Variants in STT3B observed in about 807,000 individuals in gnomAD.
The protein encoded by STT3B is STT3 oligosaccharyltransferase complex catalytic subunit B.
A neutral mutation model predicts 96.8 loss-of-function variants in STT3B; 29 were observed. The observed-to-expected ratio is 0.30, with a 90% CI of 0.22 to 0.41. The LOEUF is 0.41. Among genes scored for constraint, STT3B ranks in the 10% least tolerant of loss-of-function variants. The probability of loss-of-function intolerance (pLI) is 1.00; values close to 1 mark genes in which losing one functional copy is unlikely to be tolerated. For synonymous variants in STT3B, 367 were observed against 360.0 expected, an observed-to-expected ratio of 1.02 and a Z score of -0.22; for missense variants, 640 against 1,022.3, an observed-to-expected ratio of 0.63 and a Z score of 5.10.
chr3:31,630,029 C>G (rs1427830303), intron 14 of STT3B, among the ~76,000 whole-genome samples: 1 of 152,170 alleles, frequency 6.6e-6, no homozygotes, highest in Non-Finnish European at 1.5e-5. Flanking sequence ...AACTCTCAGA[C>G]AATTTGTATC....
intron 3 of STT3B, among the ~76,000 whole-genome samples, chr3:31,591,816 T>G (rs1268710560): frequency 6.6e-6 from 1 of 152,154 alleles, no homozygotes; most frequent in Non-Finnish European, 1.5e-5. Context: ...CCAGTATTCT[T>G]TATTCTGTCC....
chr3:31,551,205 G>T (rs564892022), intron 1 of STT3B, among the ~76,000 whole-genome samples: 10 of 147,090 alleles, frequency 6.8e-5, no homozygotes, highest in East Asian at 1.9e-4. Context: ...GGTGTTTTTT[G>T]TTTGTTTGTT....
chr3:31,635,784 A>C (rs1024695905), intron 15 of STT3B, among the ~76,000 whole-genome samples, 200 bp from the exon 16 acceptor site: 1 of 152,166 alleles, frequency 6.6e-6, no homozygotes, highest in Non-Finnish European at 1.5e-5. Context: ...TAGTCCTTTC[A>C]CTTTGAATGT....
At chr3:31,601,586 G>A (rs1380147613) in intron 5 of STT3B, among the ~76,000 whole-genome samples, 1 of 152,142 alleles carries the variant, frequency 6.6e-6, no homozygotes, top group Non-Finnish European at 1.5e-5. Flanking sequence ...GTGGTTGCCT[G>A]GGGATTTAGG....
At chr3:31,596,540 T>C (rs1012078138) in intron 3 of STT3B, among the ~76,000 whole-genome samples, 9 of 152,178 alleles carry the variant, frequency 5.9e-5, no homozygotes, top group African/African-American at 2.2e-4. Flanking sequence ...GAGAAAAATG[T>C]AATTTGTTAT....
rs141801688 is a variant in STT3B, at chr3:31,597,840, A to ATT, written c.777+978_777+979dup. Among the ~76,000 whole-genome samples the ATT allele has an allele frequency of 0.014, 2,034 of 147,148 alleles. 80 individuals are homozygous for ATT. The East Asian group carries it at 0.16, about 12-fold the overall frequency. ...TTCATTTTATTTCATTATTATTATT[A>ATT]TTATTTTTTTTTTGAGACAGAGTCT... On this transcript the variant is annotated intron_variant, in intron 4 of 15. Coordinates refer to ENST00000295770, the MANE Select transcript of STT3B (RefSeq NM_178862.3).
At chr3:31,569,661 A>G (rs1448373745) in intron 1 of STT3B, among the ~76,000 whole-genome samples, 2 of 152,174 alleles carry the variant, frequency 1.3e-5, no homozygotes, top group African/African-American at 4.8e-5. Context: ...TGACAGTATT[A>G]AAAGAAGGAG....
At chr3:31,618,132 TTTTAC>T in intron 8 of STT3B, 144 bp downstream of exon 8, 1 of 669,364 alleles carries the variant, frequency 1.5e-6, no homozygotes, top group South Asian at 1.8e-5. Context: ...GTTAAATTCC[TTTTAC>T]TTTATCTTGT....
chr3:31,535,740 T>G (rs1697076500), intron 1 of STT3B, among the ~76,000 whole-genome samples: 1 of 152,136 alleles, frequency 6.6e-6, no homozygotes, highest in South Asian at 2.1e-4. Context: ...AGAAAATATG[T>G]TTTGCTTCAT....
At chr3:31,587,311 C>T (rs1451255981) in intron 3 of STT3B, among the ~76,000 whole-genome samples, 1 of 152,084 alleles carries the variant, frequency 6.6e-6, no homozygotes, top group African/African-American at 2.4e-5. Flanking sequence ...TCACATCCCC[C>T]CAGCCCTTAG....
chr3:31,607,751 G>GGGT (rs1302182561), intron 5 of STT3B, among the ~76,000 whole-genome samples: 8 of 70,848 alleles, frequency 1.1e-4, no homozygotes, highest in Admixed American at 8.1e-4. Context: ...TGTTTTTGGG[G>GGGT]GGTTGTTGTG....
At chr3:31,556,557 A>T (rs985385910) in intron 1 of STT3B, among the ~76,000 whole-genome samples, 1 of 152,108 alleles carries the variant, frequency 6.6e-6, no homozygotes, top group Non-Finnish European at 1.5e-5. Flanking sequence ...CCTTGTCAGC[A>T]TTTGTTATTG....
intron 1 of STT3B, among the ~76,000 whole-genome samples, chr3:31,550,699 T>C (rs950109851): frequency 1.3e-5 from 2 of 152,244 alleles, no homozygotes; most frequent in Admixed American, 6.5e-5. Context: ...TTTTAAGTTA[T>C]AAAATTGGCT....
intron 5 of STT3B, among the ~76,000 whole-genome samples, chr3:31,603,980 G>A (rs1698992334): frequency 6.6e-6 from 1 of 152,028 alleles, no homozygotes; most frequent in South Asian, 2.1e-4. Context: ...TTGGTTTTTA[G>A]TTTATAGAAA....
At chr3:31,551,848 T>G (rs1697568924) in intron 1 of STT3B, among the ~76,000 whole-genome samples, 2 of 152,298 alleles carry the variant, frequency 1.3e-5, no homozygotes, top group Non-Finnish European at 2.9e-5. Flanking sequence ...GCTGGCATTA[T>G]AAGATAAGCA....
chr3:31,571,252 G>T (rs993653062), intron 1 of STT3B, among the ~76,000 whole-genome samples: 4 of 150,448 alleles, frequency 2.7e-5, no homozygotes, highest in African/African-American at 9.8e-5. Context: ...GGGGGAAAAG[G>T]GAGAAAAAGT....
Position 31,543,067 on chromosome 3 carries a change from C to CAAA in STT3B, c.314+9770_314+9772dup, listed in dbSNP as rs10696158. 1.2e-3 allele frequency among the ~76,000 whole-genome samples: 128 copies of CAAA among 109,400 alleles called. 12 individuals are homozygous for CAAA. Among genetic ancestry groups the CAAA allele is most frequent in the Admixed American group, 5.4e-3 (54 of 9,954 alleles). 71.8% of individuals were successfully genotyped at this position (109,400 alleles called of 152,430 possible). ...GGCAACAGAGTGAGACTCCATCTCA[C>CAAA]AAAAAAAAAAAAAAAAAGAGAAAGA... On this transcript the variant is annotated intron_variant, in intron 1 of 15. Transcript: ENST00000295770.
chr3:31,564,750 G>A (rs1697960753), intron 1 of STT3B, among the ~76,000 whole-genome samples: 1 of 152,100 alleles, frequency 6.6e-6, no homozygotes, highest in Non-Finnish European at 1.5e-5. Context: ...GTTCATCAGG[G>A]TTACGTATAA....
In STT3B at chr3:31,533,170, C is replaced by T. The variant is rs1051977612; in HGVS notation, c.172C>T (p.Leu58=). The change falls in exon 1 of 16, where the codon CTG becomes TTG. Residue 58 remains leucine (L), a synonymous_variant. Transcript: ENST00000295770. ...GCCGCCGAAGCCGGCCCCGGCGGGG[C>T]TGTCCGGGGGGCTGTCGCAGCCGGC... ...AAPPKPAPAG[L]SGGLSQPAGW... The T allele has an allele frequency of 2.1e-5, 29 of 1,355,152 alleles. No individual in the cohort carries two copies. Among genetic ancestry groups the T allele is most frequent in the African/African-American group, 4.6e-5 (3 of 65,738 alleles). The allele number at this position is 1,355,152 out of a possible 1,614,324, so 83.9% of individuals were successfully genotyped here. A position where few individuals can be genotyped will look rare whatever the true frequency, so the allele number is the denominator to read the frequency against.
Sources: gnomAD v4.1 joint callset for allele counts (sites outside exome capture counted in the v4.1 genomes callset) on GRCh38, gnomAD v4.1.1 for gene constraint, MANE v1.5 for transcripts, NCBI Gene and HGNC (gene_info 2026-07-23, HGNC 2026-07-21) for gene names.